The following SPAST variants were observed in gnomAD, a reference collection of about 807,000 sequenced individuals.
The protein encoded by SPAST is spastic paraplegia 4 (autosomal dominant; spastin).
A neutral mutation model predicts 76.6 loss-of-function variants in SPAST; 30 were observed. The observed-to-expected ratio is 0.39, with a 90% CI of 0.29 to 0.53. The LOEUF is 0.53. SPAST is among the 20% of genes least tolerant of loss of function. The pLI, the probability that SPAST is intolerant of heterozygous loss-of-function variation, is 0.68. For missense variants in SPAST, 717 were observed against 770.5 expected (o/e 0.93, Z 0.82); for synonymous variants, 305 against 281.0 (o/e 1.09, Z -0.86).
rs1408106158 is a variant in SPAST at position 32,156,060 on chromosome 2, CAG to C, written c.*1567_*1568del. 1 of 145,296 alleles carries C rather than the reference CAG, an allele frequency of 6.9e-6. No individual in the cohort carries two copies. The highest frequency in any genetic ancestry group is 2.5e-5 in the African/African-American group (1 of 39,266). 9.0% of individuals were successfully genotyped at this position (145,296 alleles called of 1,614,324 possible). ...TCTGGGTTTTTTTTTTTTTTTGAGACAGAGTTTCGCTCTTGTTGCCCAGGCTG... is the reference window on the plus strand; with the variant it reads ...TCTGGGTTTTTTTTTTTTTTTGAGACAGTTTCGCTCTTGTTGCCCAGGCTG... On this transcript the variant is annotated 3_prime_UTR_variant, in exon 17 of 17. Transcript: ENST00000315285.
rs1287440624 is a variant in SPAST at position 32,156,413 on chromosome 2, T to C, written c.*1917T>C. Reference sequence around the variant, plus strand: ...ATCATGTCTCTTCCAATCATGACTTTGGAACTCCCTGAATAATAAAAATGA... The same window carrying C: ...ATCATGTCTCTTCCAATCATGACTTCGGAACTCCCTGAATAATAAAAATGA... On this transcript the variant is annotated 3_prime_UTR_variant, in exon 17 of 17. Transcript: ENST00000315285. 1 of 152,168 alleles carries C rather than the reference T, an allele frequency of 6.6e-6. No homozygotes were observed. Among genetic ancestry groups the C allele is most frequent in the Non-Finnish European group, 1.5e-5 (1 of 68,030 alleles). 9.4% of individuals were successfully genotyped at this position (152,168 alleles called of 1,614,324 possible).
rs1480092249 is a variant in SPAST at position 32,154,824 on chromosome 2, G to GA, written c.*331dup. On this transcript the variant is annotated 3_prime_UTR_variant, in exon 17 of 17. Transcript: ENST00000315285. ...ATAATTTGTATATTGTGTTGCAGAT[G>GA]AAAGTATTCCAGGAACAGTGAATGG... 3.0e-5 allele frequency: 8 copies of GA among 262,372 alleles called. No homozygotes were observed. The Admixed American group carries it at 3.5e-4, about 12-fold the overall frequency. 16.3% of individuals were successfully genotyped at this position (262,372 alleles called of 1,614,324 possible).
intron 12 of SPAST, among the ~76,000 whole-genome samples, chr2:32,140,557 C>T (rs1240032162): frequency 1.3e-5 from 2 of 151,772 alleles, no homozygotes; most frequent in Non-Finnish European, 2.9e-5. Context: ...GCAGAGGTTG[C>T]AGTGAGCCAA....
At chr2:32,148,531 C>T (rs1460837001) in intron 16 of SPAST, among the ~76,000 whole-genome samples, 1 of 151,410 alleles carries the variant, frequency 6.6e-6, no homozygotes, top group Non-Finnish European at 1.5e-5. Context: ...AAAATTAGGC[C>T]GGGGGCGGTG....
intron 1 of SPAST, among the ~76,000 whole-genome samples, chr2:32,075,552 T>TC (rs1265257089): frequency 2.1e-4 from 28 of 133,844 alleles, no homozygotes; most frequent in Middle Eastern, 3.6e-3. Context: ...TTTTTCTTTT[T>TC]TTTTTTTTTT....
intron 4 of SPAST, among the ~76,000 whole-genome samples, chr2:32,113,996 T>G (rs1299855185): frequency 6.6e-6 from 1 of 151,914 alleles, no homozygotes. Context: ...CAGGCTGGAG[T>G]GCAGTGGCAC....
rs112424537 is a variant in SPAST, at chr2:32,105,872, T to C, written c.682+6981T>C. On this transcript the variant is annotated intron_variant, in intron 4 of 16. Coordinates refer to ENST00000315285, the MANE Select transcript of SPAST (RefSeq NM_014946.4). Reference sequence around the variant, plus strand: ...TATATGAGGCGTCAGTCAGCCCGTATGGGGAGGTGTCTCCCAGTTAGGCTA... The same window carrying C: ...TATATGAGGCGTCAGTCAGCCCGTACGGGGAGGTGTCTCCCAGTTAGGCTA... Among the ~76,000 whole-genome samples the C allele has an allele frequency of 6.9e-3, 1,058 of 152,276 alleles. 19 individuals are homozygous for C. Among genetic ancestry groups the C allele is most frequent in the African/African-American group, 0.024 (979 of 41,550 alleles).
chr2:32,091,920 A>ATAT (rs1226848715), intron 3 of SPAST, among the ~76,000 whole-genome samples: 1 of 152,146 alleles, frequency 6.6e-6, no homozygotes, highest in Non-Finnish European at 1.5e-5. Flanking sequence ...GCTGAAGCTA[A>ATAT]TATTATTAGC....
intron 1 of SPAST, among the ~76,000 whole-genome samples, chr2:32,082,882 G>A (rs183197155): frequency 5.6e-4 from 85 of 152,152 alleles, no homozygotes; most frequent in African/African-American, 2.0e-3. Context: ...AGTATTCCAC[G>A]TGTGGAGATA....
intron 4 of SPAST, among the ~76,000 whole-genome samples, chr2:32,103,619 C>T (rs749940787): frequency 1.3e-5 from 2 of 151,854 alleles, no homozygotes; most frequent in Non-Finnish European, 2.9e-5. Flanking sequence ...TATAAATTTC[C>T]CTCTACACAC....
intron 16 of SPAST, 106 bp downstream of exon 16, chr2:32,147,364 T>G (rs1189941044): frequency 2.8e-6 from 2 of 723,116 alleles, no homozygotes; most frequent in Non-Finnish European, 4.5e-6. Context: ...TTTTTTTTTT[T>G]TTTTTTGAGA....
chr2:32,145,027 A>C lies in SPAST; in HGVS notation c.1687+20A>C. ...TCCGAGGTAGGTATACAAGAGCTTA[A>C]AACATTTAGAACTATTTATTATACC... On this transcript the variant is annotated intron_variant, in intron 15 of 16. Coordinates refer to ENST00000315285, the MANE Select transcript of SPAST (RefSeq NM_014946.4). 6.4e-7 allele frequency: 1 copy of C among 1,567,184 alleles called. No individual in the cohort carries two copies. The highest frequency in any genetic ancestry group is 8.8e-7 in the Non-Finnish European group (1 of 1,139,202).
chr2:32,109,259 C>T (rs568152310), intron 4 of SPAST, among the ~76,000 whole-genome samples: 28 of 151,976 alleles, frequency 1.8e-4, no homozygotes, highest in African/African-American at 6.5e-4. Context: ...GAGGTGTGTG[C>T]CACCATGATC....
Position 32,155,435 on chromosome 2 carries a change from T to A in SPAST, c.*939T>A, listed in dbSNP as rs1029699290. On this transcript the variant is annotated 3_prime_UTR_variant, in exon 17 of 17. Transcript: ENST00000315285. ...ACTAGGAACTAAGACATTTCTAATT[T>A]ATTGCTTATTACTTTCTTAATTTTA... 1.3e-5 allele frequency: 2 copies of A among 152,608 alleles called. No homozygotes were observed. The highest frequency in any genetic ancestry group is 2.4e-5 in the African/African-American group (1 of 41,452). The allele number at this position is 152,608 out of a possible 1,614,324, so 9.5% of individuals were successfully genotyped here.
chr2:32,075,598 G>A (rs2148697801), intron 1 of SPAST, among the ~76,000 whole-genome samples: 1 of 126,728 alleles, frequency 7.9e-6, no homozygotes, highest in Non-Finnish European at 1.6e-5. Context: ...CACCCAGGCT[G>A]GACTGCAGTG....
chr2:32,113,034 G>A (rs1678675985), intron 4 of SPAST, among the ~76,000 whole-genome samples: 1 of 152,020 alleles, frequency 6.6e-6, no homozygotes, highest in African/African-American at 2.4e-5. Context: ...AATCAGAGGT[G>A]TTCTATAAAT....
chr2:32,069,226 A>G (rs1558610325), intron 1 of SPAST, among the ~76,000 whole-genome samples: 1 of 151,936 alleles, frequency 6.6e-6, no homozygotes, highest in Non-Finnish European at 1.5e-5. Flanking sequence ...AAAAAAAAAA[A>G]AAAAGAAAAC....
intron 4 of SPAST, among the ~76,000 whole-genome samples, chr2:32,112,013 T>TAG (rs56317694): frequency 1.9e-5 from 2 of 104,694 alleles, no homozygotes; most frequent in African/African-American, 3.3e-5. Flanking sequence ...GTAGTAGTAG[T>TAG]TTTTTTTTTT....
rs1314293756 is a variant in SPAST at position 32,154,862 on chromosome 2, G to A, written c.*366G>A. ...GAACAGTGAATGGTAGAAGACACAA[G>A]AACATTTGTTTGTTTGTCTTCTGAT... On this transcript the variant is annotated 3_prime_UTR_variant, in exon 17 of 17. Coordinates refer to ENST00000315285, the MANE Select transcript of SPAST (RefSeq NM_014946.4). 2.1e-5 allele frequency: 4 copies of A among 188,876 alleles called. No homozygotes were observed. In the Admixed American group the frequency reaches 2.3e-4, roughly 11 times the overall value. The allele number at this position is 188,876 out of a possible 1,614,324, so 11.7% of individuals were successfully genotyped here.
Sources: gnomAD v4.1 joint callset for allele counts (sites outside exome capture counted in the v4.1 genomes callset) on GRCh38, gnomAD v4.1.1 for gene constraint, MANE v1.5 for transcripts, NCBI Gene and HGNC (gene_info 2026-07-23, HGNC 2026-07-21) for gene names.